PCDH15: variants seen among roughly 807,000 people sequenced by gnomAD.
PCDH15 encodes the protein protocadherin related 15, also known as protocadherin-15.
A neutral mutation model predicts 178.5 loss-of-function variants in PCDH15; 129 were observed. The observed-to-expected ratio is 0.72, with a 90% CI of 0.63 to 0.84. PCDH15 has a LOEUF of 0.84. Among genes scored for constraint, PCDH15 ranks in the 40% least tolerant of loss-of-function variants. The pLI is 0.00. For missense variants in PCDH15, 2,230 were observed against 2,099.9 expected (o/e 1.06, Z -1.21); for synonymous variants, 800 against 732.0 (o/e 1.09, Z -1.50).
chr10:54,048,687 A>G (rs577371427), intron 18 of PCDH15, among the ~76,000 whole-genome samples: 50 of 151,994 alleles, frequency 3.3e-4, no homozygotes, highest in African/African-American at 1.2e-3. Flanking sequence ...TTGACTTTAT[A>G]ATCAAATGGT....
intron 2 of PCDH15, among the ~76,000 whole-genome samples, chr10:55,434,077 CTTTTTTTTT>C (rs60921527): frequency 1.1e-5 from 1 of 90,828 alleles, no homozygotes; most frequent in African/African-American, 4.5e-5. Context: ...CTTTTCTTTT[CTTTTTTTTT>C]TTTTTTTTTT....
rs2090959761 is a variant in PCDH15, at chr10:54,580,734, CA to C, written c.92-52858del. Among the ~76,000 whole-genome samples, 3 of 151,930 alleles carry C rather than the reference CA, an allele frequency of 2.0e-5. No homozygotes were observed. In the South Asian group the frequency reaches 6.2e-4, roughly 31 times the overall value. On this transcript the variant is annotated intron_variant, in intron 2 of 37. Transcript: ENST00000644397. ...TAGCAAACCTGATCCAACAGCACATCAAATAGCTATACCATGATCAAGTAGC... is the reference window on the plus strand; with the variant it reads ...TAGCAAACCTGATCCAACAGCACATCAATAGCTATACCATGATCAAGTAGC...
intron 26 of PCDH15, 87 bp from the exon 27 acceptor site, chr10:53,866,944 A>G: frequency 1.1e-6 from 1 of 927,872 alleles, no homozygotes; most frequent in Non-Finnish European, 1.8e-6. Context: ...TGTAAGAATG[A>G]GGTTTCTTAT....
intron 1 of PCDH15, among the ~76,000 whole-genome samples, chr10:55,223,723 ATG>A (rs141147859): frequency 0.093 from 14,176 of 152,168 alleles, 872 homozygotes; most frequent in East Asian, 0.26. Flanking sequence ...GAAGCCATAA[ATG>A]TGAGTATACG....
chr10:54,787,972 G>A (rs545252801), intron 1 of PCDH15, among the ~76,000 whole-genome samples: 1 of 151,788 alleles, frequency 6.6e-6, no homozygotes, highest in Non-Finnish European at 1.5e-5. Context: ...TCTTAGCAAC[G>A]CAATGACACC....
intron 2 of PCDH15, among the ~76,000 whole-genome samples, chr10:55,586,217 G>A (rs11004923): frequency 0.31 from 47,567 of 151,824 alleles, 7,629 homozygotes; most frequent in African/African-American, 0.39. Context: ...AAGATTATAT[G>A]ACTCATAAGT....
upstream of PCDH15, among the ~76,000 whole-genome samples, chr10:55,320,648 C>A (rs1050762820): frequency 6.6e-6 from 1 of 152,084 alleles, no homozygotes. Flanking sequence ...ATGCCACCCC[C>A]CCCAGAATTA....
intron 1 of PCDH15, among the ~76,000 whole-genome samples, chr10:54,697,761 C>T (rs2095255727): frequency 6.9e-6 from 1 of 144,236 alleles, no homozygotes; most frequent in Admixed American, 6.9e-5. Context: ...GGAAGGCCGG[C>T]AGGAAGGAAG....
At chr10:54,944,583 C>G (rs1454482) in intron 2 of PCDH15, among the ~76,000 whole-genome samples, 29,016 of 151,734 alleles carry the variant, frequency 0.19, 3,233 homozygotes, top group African/African-American at 0.3. Context: ...ATTATACAGA[C>G]GCTGTTGACT....
intron 1 of PCDH15, among the ~76,000 whole-genome samples, chr10:54,779,426 A>G (rs1950052458): frequency 7.8e-6 from 1 of 127,618 alleles, no homozygotes; most frequent in African/African-American, 2.8e-5. Context: ...ATATATACAC[A>G]CACATATGTG....
chr10:55,393,797 A>G (rs1837857338), intron 2 of PCDH15, among the ~76,000 whole-genome samples: 1 of 152,120 alleles, frequency 6.6e-6, no homozygotes, highest in Non-Finnish European at 1.5e-5. Flanking sequence ...ACCTTAAACC[A>G]GGTTCAGCAA....
chr10:54,806,578 G>A (rs1952781548), intron 3 of PCDH15, among the ~76,000 whole-genome samples: 1 of 151,540 alleles, frequency 6.6e-6, no homozygotes, highest in Non-Finnish European at 1.5e-5. Context: ...TTGCCTCCCG[G>A]GTTCGAGCAA....
Position 55,495,346 on chromosome 10 carries a change from AT to A in PCDH15, c.-156+132278del, listed in dbSNP as rs1840508180. ...AAGGAAAAATACAGAATGGAAAAAAATTTGAATGCCTTAAATCTGATAAGGG... is the reference window on the plus strand; with the variant it reads ...AAGGAAAAATACAGAATGGAAAAAAATTGAATGCCTTAAATCTGATAAGGG... On this transcript the variant is annotated intron_variant, in intron 2 of 5. Coordinates refer to the PCDH15 transcript ENST00000613346. 3.9e-5 allele frequency among the ~76,000 whole-genome samples: 6 copies of A among 151,968 alleles called. No homozygotes were observed. The South Asian group carries it at 1.2e-3, about 31-fold the overall frequency.
chr10:55,495,986 G>A (rs1382316128), intron 2 of PCDH15, among the ~76,000 whole-genome samples: 1 of 151,854 alleles, frequency 6.6e-6, no homozygotes, highest in Non-Finnish European at 1.5e-5. Flanking sequence ...AAGACAGAAA[G>A]TAGACTGGTG....
chr10:54,007,199 A>G (rs2092416625), intron 20 of PCDH15, among the ~76,000 whole-genome samples: 1 of 152,184 alleles, frequency 6.6e-6, no homozygotes, highest in Non-Finnish European at 1.5e-5. Context: ...CCAGGTTTCT[A>G]TTATAACTTA....
chr10:55,464,625 A>AATATAT lies in PCDH15; in HGVS notation c.-156+162994_-156+162999dup, dbSNP rs201924826. Among the ~76,000 whole-genome samples the AATATAT allele has an allele frequency of 8.1e-3, 508 of 62,906 alleles. 1 individual carries two copies. The highest frequency in any genetic ancestry group is 9.9e-3 in the Admixed American group (57 of 5,764). The allele number at this position is 62,906 out of a possible 152,430, so 41.3% of individuals were successfully genotyped here. A position where few individuals can be genotyped will look rare whatever the true frequency, so the allele number is the denominator to read the frequency against. ...TGGCCTAAAACAGTAAATGGGAGTAAATATATATATATATATATATATATA... is the reference window on the plus strand; with the variant it reads ...TGGCCTAAAACAGTAAATGGGAGTAAATATATATATATATATATATATATATATATA... On this transcript the variant is annotated intron_variant, in intron 2 of 5. Transcript: ENST00000613346.
At chr10:53,941,496 T>C (rs190987476) in intron 23 of PCDH15, among the ~76,000 whole-genome samples, 216 of 152,294 alleles carry the variant, frequency 1.4e-3, no homozygotes, top group African/African-American at 4.0e-3. Flanking sequence ...TATGGCTTGA[T>C]TGCTTATTTC....
intron 18 of PCDH15, among the ~76,000 whole-genome samples, chr10:54,054,715 T>C (rs1026947500): frequency 2.0e-5 from 3 of 152,096 alleles, no homozygotes; most frequent in Non-Finnish European, 4.4e-5. Context: ...ATCTGAAACA[T>C]GACCACATTT....
intron 2 of PCDH15, among the ~76,000 whole-genome samples, chr10:55,465,546 G>T (rs1201569014): frequency 1.3e-5 from 2 of 152,074 alleles, no homozygotes; most frequent in African/African-American, 4.8e-5. Context: ...TTGTGATTCT[G>T]ATGTGCACCC....
Sources: gnomAD v4.1 joint callset for allele counts (sites outside exome capture counted in the v4.1 genomes callset) on GRCh38, gnomAD v4.1.1 for gene constraint, MANE v1.5 for transcripts, NCBI Gene and HGNC (gene_info 2026-07-23, HGNC 2026-07-21) for gene names.